The following CC2D1B variants were observed in gnomAD, a reference collection of about 807,000 sequenced individuals.
The protein encoded by CC2D1B is coiled-coil and C2 domain-containing protein 1B.
A neutral mutation model predicts 110.8 loss-of-function variants in CC2D1B; 92 were observed. That is an observed-to-expected ratio of 0.83 (90% CI 0.70 to 0.99). The LOEUF is 0.99. Ranked by LOEUF, CC2D1B falls within the 50% of genes least tolerant of loss-of-function variation. The pLI is 0.00. For missense variants in CC2D1B, 1,136 were observed against 1,089.0 expected, an observed-to-expected ratio of 1.04 and a Z score of -0.61; for synonymous variants, 406 against 429.2, an observed-to-expected ratio of 0.95 and a Z score of 0.67.
chr1:52,357,499 C>T, intron 15 of CC2D1B, 27 bp downstream of exon 15: 1 of 1,552,968 alleles, frequency 6.4e-7, no homozygotes, highest in Non-Finnish European at 8.7e-7. Flanking sequence ...CCTGAGAAGT[C>T]CTGGTGGTTA....
chr1:52,362,859 G>T, intron 2 of CC2D1B, 113 bp from the exon 3 acceptor site: 1 of 1,049,180 alleles, frequency 9.5e-7, no homozygotes, highest in East Asian at 2.4e-5. Context: ...CAGTCTGTGA[G>T]GCCCAATGTG....
Position 52,353,631 on chromosome 1 carries a change from T to C in CC2D1B, c.2447A>G (p.Lys816Arg). The C allele has an allele frequency of 6.2e-7, 1 of 1,606,108 alleles. No homozygotes were observed. The highest frequency in any genetic ancestry group is 8.5e-7 in the Non-Finnish European group (1 of 1,176,046). The change falls in exon 24 of 25, where the codon AAG becomes AGG. Residue 816 changes from lysine to arginine, a missense_variant. Coordinates refer to ENST00000284376, the MANE Select transcript of CC2D1B (RefSeq NM_001330585.2). ...CACCTCCAGCTTCCCCCCGGTGGGCTTCCTTCCATCCAGGACCTGTGAGGA... is the reference window on the plus strand; with the variant it reads ...CACCTCCAGCTTCCCCCCGGTGGGCCTCCTTCCATCCAGGACCTGTGAGGA... ...REIVEVLDGR[K>R]PTGGKLEVKV... is the part of the protein sequence containing the mutation.
At chr1:52,361,368 G>A (rs558786269) in intron 4 of CC2D1B, 145 bp downstream of exon 4, 616 of 1,422,042 alleles carry the variant, frequency 4.3e-4, no homozygotes, top group Non-Finnish European at 5.6e-4. Flanking sequence ...AAAGAGACAC[G>A]CCACCCACTG....
intron 23 of CC2D1B, chr1:52,354,277 A>G (rs1272698169): frequency 4.0e-6 from 2 of 505,020 alleles, no homozygotes; most frequent in Admixed American, 2.4e-5. Context: ...AGCTCTGCCA[A>G]GGACACACCA....
At chr1:52,360,358 G>A (rs952766600) in intron 6 of CC2D1B, 66 bp downstream of exon 6, 29 of 1,597,124 alleles carry the variant, frequency 1.8e-5, no homozygotes, top group Middle Eastern at 1.7e-4. Flanking sequence ...CCACTGGTGC[G>A]ATCTCCACCA....
chr1:52,355,016 T>C lies in CC2D1B; in HGVS notation c.2240-77A>G. On this transcript the variant is annotated intron_variant, in intron 21 of 24. Transcript: ENST00000284376. ...GGAAGTGGAAATGGAGGCCCAGGGC[T>C]GGCTGCCTTCCCCCAATCTCTCCAC... The C allele has an allele frequency of 2.5e-6, 3 of 1,208,888 alleles. No individual in the cohort carries two copies. The East Asian group carries it at 7.1e-5, about 29-fold the overall frequency. The allele number at this position is 1,208,888 out of a possible 1,614,324, so 74.9% of individuals were successfully genotyped here.
chr1:52,353,469 T>G (rs1321432407), intron 24 of CC2D1B, 49 bp downstream of exon 24: 2 of 1,566,780 alleles, frequency 1.3e-6, no homozygotes, highest in Non-Finnish European at 1.7e-6. Flanking sequence ...AGTAGTTAGT[T>G]GAGTAAAAGG....
At chr1:52,358,931 C>A in intron 11 of CC2D1B, 96 bp downstream of exon 11, 1 of 1,538,164 alleles carries the variant, frequency 6.5e-7, no homozygotes, top group South Asian at 1.2e-5. Context: ...GATGATGGTT[C>A]AGAAAAGACA....
At chr1:52,355,710 A>G in intron 19 of CC2D1B, 44 bp from the exon 20 acceptor site, 1 of 1,613,592 alleles carries the variant, frequency 6.2e-7, no homozygotes, top group Non-Finnish European at 8.5e-7. Context: ...AGTGGCCAGG[A>G]GCCTAGCACT....
rs1432410007 is a variant in CC2D1B, at chr1:52,362,571, G to A, written c.214+31C>T. 2.5e-6 allele frequency: 4 copies of A among 1,613,530 alleles called. No individual in the cohort carries two copies. The Admixed American group carries it at 6.7e-5, about 27-fold the overall frequency. ...ACCAGCCTGTGCCCATCTTGTCCCA[G>A]CACCAAGACCAGCCCTGTGTCCAAA... On this transcript the variant is annotated intron_variant, in intron 3 of 24. Transcript: ENST00000284376.
At chr1:52,364,155 GAAGA>G (rs2147898322) in intron 2 of CC2D1B, among the ~76,000 whole-genome samples, 1 of 152,320 alleles carries the variant, frequency 6.6e-6, no homozygotes, top group South Asian at 2.1e-4. Context: ...TGTAGGCCCA[GAAGA>G]AATAAAGGAA....
In CC2D1B at chr1:52,359,791, G is replaced by A. The variant is rs200917410; in HGVS notation, c.856C>T (p.Arg286Ter). 2.9e-5 allele frequency: 46 copies of A among 1,611,368 alleles called. No homozygotes were observed. The South Asian group carries it at 4.8e-4, about 17-fold the overall frequency. The part of the protein sequence containing the change: ...DPDPRALLSS[R>*]QREYKVAALS... ...GCAGCCACTTTGTACTCTCTCTGTC[G>A]GGATGACAGCAGGGCCCGCGGGTCT... The change falls in exon 8 of 25, where the codon CGA becomes TGA. Residue 286 changes from arginine (R) to a stop codon, truncating the protein, a stop_gained. Coordinates refer to ENST00000284376, the MANE Select transcript of CC2D1B (RefSeq NM_001330585.2). LOFTEE classifies it high-confidence loss of function.
At chr1:52,354,419 T>C (rs1257335680) in intron 23 of CC2D1B, 189 bp downstream of exon 23, 2 of 708,454 alleles carry the variant, frequency 2.8e-6, no homozygotes, top group East Asian at 2.7e-5. Context: ...CCTGGGTCCC[T>C]CTGTGAGATT....
At chr1:52,365,819 G>C (rs879598229) in intron 1 of CC2D1B, among the ~76,000 whole-genome samples, 4 of 152,174 alleles carry the variant, frequency 2.6e-5, no homozygotes, top group Non-Finnish European at 4.4e-5. Context: ...GGCGCTCCGG[G>C]GGACTCTGAG....
rs539420618 is a variant in CC2D1B, at chr1:52,357,065, C to T, written c.1814G>A (p.Arg605Gln). The T allele has an allele frequency of 5.7e-5, 92 of 1,609,170 alleles. No individual in the cohort carries two copies. Among genetic ancestry groups the T allele is most frequent in the East Asian group, 2.9e-4 (13 of 44,718 alleles). ...CACCTCCTCCGCCTTCTGGGAGAGT[C>T]GCAGGTCCTCATGGTGGATGAGGAT... ...DFILIHHEDL[R>Q]LSQKAEEVYA... The change falls in exon 16 of 25, where the codon CGA becomes CAA. Residue 605 changes from arginine (R) to glutamine (Q), a missense_variant. Physicochemically the swap from Arg to Gln is conservative, Grantham distance 43. Coordinates refer to ENST00000284376, the MANE Select transcript of CC2D1B (RefSeq NM_001330585.2).
rs749231128 is a variant in CC2D1B, at chr1:52,360,444, G to T, written c.583C>A (p.Arg195Ser). The change falls in exon 6 of 25, where the codon CGC becomes AGC. Residue 195 changes from arginine to serine, a missense_variant. Arg to Ser is a moderately radical substitution (Grantham distance 110, BLOSUM62 -1). Coordinates refer to ENST00000284376, the MANE Select transcript of CC2D1B (RefSeq NM_001330585.2). ...CTCACCTTCAGGCCGCGCTCGCAGC[G>T]CCTGGCTTTGGCTGCTTCGCCTGCC... ...KEAGEAAKAR[R>S]CERGLKTLES... The T allele has an allele frequency of 6.2e-7, 1 of 1,613,754 alleles. No individual in the cohort carries two copies. The highest frequency in any genetic ancestry group is 8.5e-7 in the Non-Finnish European group (1 of 1,179,972).
In CC2D1B at chr1:52,360,547, G is replaced by A. The variant is rs373656909; in HGVS notation, c.480C>T (p.Ala160=). The A allele has an allele frequency of 2.5e-5, 41 of 1,613,594 alleles. No individual in the cohort carries two copies. The highest frequency in any genetic ancestry group is 3.1e-5 in the Non-Finnish European group (36 of 1,179,912). The change falls in exon 6 of 25, where the codon GCC becomes GCT. Residue 160 remains alanine (A), a splice_region_variant and synonymous_variant. Transcript: ENST00000284376. ...VLTASAPAAQ[A]GASQGLHALL... is the part of the protein sequence containing the mutation. Reference sequence around the variant, plus strand: ...AAGCGTGTAGCCCCTGAGATGCTCCGGCCTATGAACAATTCAGCTAAGGGC... The same window carrying A: ...AAGCGTGTAGCCCCTGAGATGCTCCAGCCTATGAACAATTCAGCTAAGGGC...
chr1:52,354,412 G>A (rs1204565830), intron 23 of CC2D1B, 196 bp downstream of exon 23: 2 of 704,374 alleles, frequency 2.8e-6, no homozygotes, highest in South Asian at 3.0e-5. Context: ...GCCTTCTCCT[G>A]GGTCCCTCTG....
At chr1:52,364,203 C>G (rs1000300011) in intron 2 of CC2D1B, among the ~76,000 whole-genome samples, 3 of 152,206 alleles carry the variant, frequency 2.0e-5, no homozygotes, top group African/African-American at 7.2e-5. Flanking sequence ...TGTTCTTCCA[C>G]TTGGGGCACA....
Sources: gnomAD v4.1 joint callset for allele counts (sites outside exome capture counted in the v4.1 genomes callset) on GRCh38, gnomAD v4.1.1 for gene constraint, MANE v1.5 for transcripts, NCBI Gene and HGNC (gene_info 2026-07-23, HGNC 2026-07-21) for gene names.